VPS13B: variants seen among roughly 807,000 people sequenced by gnomAD.
VPS13B encodes the protein vacuolar protein sorting 13 homolog B, also known as intermembrane lipid transfer protein VPS13B.
Under a neutral mutation model 426.4 loss-of-function variants are expected in VPS13B, and 285 were observed. That is an observed-to-expected ratio of 0.67 (90% CI 0.61 to 0.74). The LOEUF is 0.74. VPS13B is among the 30% of genes least tolerant of loss of function. The probability of loss-of-function intolerance (pLI) is 0.00; values close to 1 mark genes in which losing one functional copy is unlikely to be tolerated. For missense variants in VPS13B, 4,537 were observed against 4,782.6 expected (o/e 0.95, Z 1.51); for synonymous variants, 1,676 against 1,676.4 (o/e 1.00, Z 0.01).
chr8:99,115,741 T>C lies in VPS13B; in HGVS notation c.804T>C (p.Asp268=). Residue 268 remains aspartate (D), a synonymous_variant, in exon 7 of 62, where the codon GAT becomes GAC. Coordinates refer to ENST00000357162, the MANE Select transcript of VPS13B (RefSeq NM_152564.5). ...LVESLKLSIT[D]QQLPMFIRIM... is the part of the protein sequence containing the mutation. The stretch of plus-strand genomic sequence containing the variant: ...AAAGTTTGAAACTTTCTATCACAGA[T>C]CAACAACTGCCTATGTTTATTCGTA... 2 of 1,613,234 alleles carry C rather than the reference T, an allele frequency of 1.2e-6. No individual in the cohort carries two copies.
At chr8:99,411,584 A>G (rs1815666914) in intron 21 of VPS13B, among the ~76,000 whole-genome samples, 1 of 152,114 alleles carries the variant, frequency 6.6e-6, no homozygotes, top group Non-Finnish European at 1.5e-5. Flanking sequence ...CCATTTGTCA[A>G]TTTTGGTTTT....
At chr8:99,342,941 A>G (rs1188526909) in intron 19 of VPS13B, among the ~76,000 whole-genome samples, 1 of 151,954 alleles carries the variant, frequency 6.6e-6, no homozygotes, top group Admixed American at 6.6e-5. Flanking sequence ...AGCCTTTCTA[A>G]TGGGTATTAG....
chr8:99,699,464 G>A, intron 35 of VPS13B, 61 bp from the exon 36 acceptor site: 2 of 1,575,222 alleles, frequency 1.3e-6, no homozygotes, highest in Non-Finnish European at 1.7e-6. Context: ...TGTCAGAGAA[G>A]TAAAGGCTTG....
intron 35 of VPS13B, among the ~76,000 whole-genome samples, chr8:99,686,585 A>T (rs1217326622): frequency 6.6e-6 from 1 of 150,908 alleles, no homozygotes; most frequent in Non-Finnish European, 1.5e-5. Flanking sequence ...AGTCCTTCCC[A>T]CTCCTCCCTC....
intron 3 of VPS13B, among the ~76,000 whole-genome samples, chr8:99,051,283 G>C (rs940012976): frequency 6.6e-6 from 1 of 152,168 alleles, no homozygotes; most frequent in African/African-American, 2.4e-5. Context: ...TTATTAAATA[G>C]GGAATCGTTT....
chr8:99,391,315 G>A (rs1197378941), intron 20 of VPS13B, among the ~76,000 whole-genome samples: 1 of 151,738 alleles, frequency 6.6e-6, no homozygotes, highest in Non-Finnish European at 1.5e-5. Flanking sequence ...AAATTTAAGT[G>A]GATAAGCATT....
At chr8:99,500,448 C>A (rs2133606573) in intron 25 of VPS13B, among the ~76,000 whole-genome samples, 1 of 152,206 alleles carries the variant, frequency 6.6e-6, no homozygotes, top group East Asian at 1.9e-4. Flanking sequence ...GTATATTCTT[C>A]ATTCACATTC....
At chr8:99,448,808 C>A (rs1818050234) in intron 23 of VPS13B, among the ~76,000 whole-genome samples, 1 of 152,012 alleles carries the variant, frequency 6.6e-6, no homozygotes, top group African/African-American at 2.4e-5. Flanking sequence ...TCTTATTAGT[C>A]CTTTTTGATT....
intron 43 of VPS13B, among the ~76,000 whole-genome samples, chr8:99,805,552 T>A (rs531918395): frequency 6.6e-6 from 1 of 152,330 alleles, no homozygotes; most frequent in East Asian, 1.9e-4. Context: ...GATCCCCAAT[T>A]CCCTGATCAG....
At chr8:99,611,525 C>T (rs150892767) in intron 33 of VPS13B, among the ~76,000 whole-genome samples, 48 of 151,952 alleles carry the variant, frequency 3.2e-4, no homozygotes, top group African/African-American at 1.1e-3. Flanking sequence ...TAAATGAGGA[C>T]TGTTCTTACC....
At chr8:99,871,083 ACAACT>A (rs1407175663) in intron 60 of VPS13B, 196 bp downstream of exon 60, 1 of 655,244 alleles carries the variant, frequency 1.5e-6, no homozygotes, top group East Asian at 2.8e-5. Context: ...GGCTGGCTGC[ACAACT>A]CCTCTGTTCC....
chr8:99,674,132 G>A (rs1428892360), intron 35 of VPS13B, among the ~76,000 whole-genome samples: 3 of 151,962 alleles, frequency 2.0e-5, no homozygotes, highest in African/African-American at 7.2e-5. Context: ...TAAGTCTGAT[G>A]TTTCCTGTTT....
At chr8:99,623,362 CT>C (rs1436010322) in intron 33 of VPS13B, among the ~76,000 whole-genome samples, 1 of 152,140 alleles carries the variant, frequency 6.6e-6, no homozygotes, top group Non-Finnish European at 1.5e-5. Context: ...CTGCTCTTGT[CT>C]TTCTCATACC....
chr8:99,531,044 A>C (rs1207329941), intron 30 of VPS13B, among the ~76,000 whole-genome samples: 1 of 152,202 alleles, frequency 6.6e-6, no homozygotes, highest in Non-Finnish European at 1.5e-5. Context: ...TATTATTTAA[A>C]TGTTCCAAAA....
intron 33 of VPS13B, among the ~76,000 whole-genome samples, chr8:99,604,741 C>T (rs903216627): frequency 1.1e-4 from 16 of 152,116 alleles, no homozygotes; most frequent in Admixed American, 3.9e-4. Context: ...CCACCCGCCT[C>T]GGCCCCCCAA....
rs896542627 is a variant in VPS13B at position 99,875,597 on chromosome 8, T to G, written c.11925T>G (p.His3975Gln). 3.7e-6 allele frequency: 6 copies of G among 1,614,054 alleles called. No individual in the cohort carries two copies. The highest frequency in any genetic ancestry group is 5.1e-6 in the Non-Finnish European group (6 of 1,180,028). ...CATACCATTACCTGGTTGATCCACA[T>G]TTTGCTCAGGTCTTCCTTAGTAAAT... is the stretch of plus-strand genomic sequence containing the variant. ...VKTYHYLVDPHFAQVFLSKFT... is the reference protein window; with the variant it reads ...VKTYHYLVDPQFAQVFLSKFT... Residue 3975 changes from histidine to glutamine, a missense_variant, in exon 62 of 62, where the codon CAT becomes CAG. By Grantham distance (24) the His-to-Gln change is conservative. Coordinates refer to ENST00000357162, the MANE Select transcript of VPS13B (RefSeq NM_152564.5).
rs1242797162 is a variant in VPS13B, at chr8:99,148,004, A to C, written c.2007A>C (p.Gly669=). Reference sequence around the variant, plus strand: ...ACCATTTACTACCTGTCATTATGGGAGAAAAGGTATATTTTGTGATTTGCT... The same window carrying C: ...ACCATTTACTACCTGTCATTATGGGCGAAAAGGTATATTTTGTGATTTGCT... ...LLDHLLPVIM[G]EKNSSNFMNT... Residue 669 remains glycine (G), a synonymous_variant, in exon 14 of 62, where the codon GGA becomes GGC. Transcript: ENST00000357162. The C allele has an allele frequency of 6.2e-7, 1 of 1,611,106 alleles. No individual in the cohort carries two copies. The highest frequency in any genetic ancestry group is 1.1e-5 in the South Asian group (1 of 90,998).
At chr8:99,637,651 A>G (rs1315767162) in intron 33 of VPS13B, among the ~76,000 whole-genome samples, 1 of 152,158 alleles carries the variant, frequency 6.6e-6, no homozygotes, top group Non-Finnish European at 1.5e-5. Context: ...GTCTCAGCAC[A>G]TAATATAGGC....
chr8:99,691,522 C>T (rs1047795135), intron 35 of VPS13B, among the ~76,000 whole-genome samples: 1 of 151,884 alleles, frequency 6.6e-6, no homozygotes, highest in African/African-American at 2.4e-5. Context: ...GCACAACTAG[C>T]TGTAAACAAG....
Sources: allele counts gnomAD v4.1 joint callset (sites outside exome capture counted in the v4.1 genomes callset), GRCh38; gene constraint gnomAD v4.1.1; transcripts MANE v1.5; gene names NCBI Gene and HGNC (gene_info 2026-07-23, HGNC 2026-07-21).